DSCAM: variants seen among roughly 807,000 people sequenced by gnomAD.
DSCAM encodes the protein cell adhesion molecule DSCAM.
DSCAM carries 47 observed loss-of-function variants against 217.7 expected under a neutral mutation model. The ratio of observed to expected loss-of-function variants is 0.22; its 90% CI spans 0.17 to 0.28. DSCAM has a LOEUF of 0.28. Among genes scored for constraint, DSCAM ranks in the 10% least tolerant of loss-of-function variants. The pLI is 1.00. For synonymous variants in DSCAM, 1,056 were observed against 1,015.3 expected (o/e 1.04, Z -0.76); for missense variants, 2,080 against 2,618.3 (o/e 0.79, Z 4.49).
chr21:40,725,577 G>A (rs1284625149), intron 1 of DSCAM, among the ~76,000 whole-genome samples: 1 of 152,188 alleles, frequency 6.6e-6, no homozygotes, highest in African/African-American at 2.4e-5. Context: ...GCAGCAAAGG[G>A]GGCATTGTCA....
chr21:40,068,428 CCT>C (rs921434145), intron 27 of DSCAM, among the ~76,000 whole-genome samples: 1 of 151,974 alleles, frequency 6.6e-6, no homozygotes, highest in African/African-American at 2.4e-5. Flanking sequence ...TGTATATGTG[CCT>C]CTCTCTGTAT....
At chr21:40,446,206 C>T (rs1272992891) in intron 3 of DSCAM, among the ~76,000 whole-genome samples, 1 of 152,018 alleles carries the variant, frequency 6.6e-6, no homozygotes, top group African/African-American at 2.4e-5. Context: ...GGTCTAATAC[C>T]ACTGTTTACA....
At chr21:40,568,510 C>T (rs868607516) in intron 3 of DSCAM, among the ~76,000 whole-genome samples, 4 of 151,934 alleles carry the variant, frequency 2.6e-5, no homozygotes, top group Non-Finnish European at 5.9e-5. Context: ...CAAGGAGATG[C>T]TTAAGGTATT....
intron 3 of DSCAM, among the ~76,000 whole-genome samples, chr21:40,544,913 T>C (rs2076569327): frequency 6.8e-6 from 1 of 146,696 alleles, no homozygotes; most frequent in Non-Finnish European, 1.5e-5. Flanking sequence ...AATTAAAAGT[T>C]TCCAAAAAAA....
chr21:40,756,814 TA>T (rs2091280531), intron 1 of DSCAM, among the ~76,000 whole-genome samples: 1 of 152,184 alleles, frequency 6.6e-6, no homozygotes, highest in Non-Finnish European at 1.5e-5. Flanking sequence ...TCTTGTTTTA[TA>T]AATGAGGAAG....
intron 3 of DSCAM, among the ~76,000 whole-genome samples, chr21:40,612,654 A>C (rs1451964463): frequency 6.6e-6 from 1 of 152,194 alleles, no homozygotes; most frequent in African/African-American, 2.4e-5. Flanking sequence ...TTTTAAGGGG[A>C]TGTTTGTTAT....
intron 3 of DSCAM, among the ~76,000 whole-genome samples, chr21:40,645,704 C>T (rs2089938180): frequency 6.6e-6 from 1 of 152,092 alleles, no homozygotes; most frequent in Non-Finnish European, 1.5e-5. Context: ...TCACAAAACA[C>T]TGTGATGTGT....
At chr21:40,518,918 C>G (rs76346002) in intron 3 of DSCAM, among the ~76,000 whole-genome samples, 1 of 151,896 alleles carries the variant, frequency 6.6e-6, no homozygotes, top group South Asian at 2.1e-4. Flanking sequence ...ACTGTGTAGC[C>G]TATTGCTCCT....
At chr21:40,362,356 T>C (rs1369680798) in intron 4 of DSCAM, among the ~76,000 whole-genome samples, 1 of 152,188 alleles carries the variant, frequency 6.6e-6, no homozygotes. Flanking sequence ...ATTTAACTTG[T>C]TCCGTTATTG....
chr21:40,252,937 G>A (rs4816675), intron 11 of DSCAM, among the ~76,000 whole-genome samples: 5,276 of 152,220 alleles, frequency 0.035, 309 homozygotes, highest in East Asian at 0.22. Flanking sequence ...CCAAGTAAGG[G>A]GCGGGGGGCT....
chr21:40,386,358 G>T (rs1043811241), intron 3 of DSCAM, among the ~76,000 whole-genome samples: 18 of 152,244 alleles, frequency 1.2e-4, no homozygotes, highest in African/African-American at 4.3e-4. Flanking sequence ...GGCAGTTGAA[G>T]AACCTACAAG....
intron 1 of DSCAM, among the ~76,000 whole-genome samples, chr21:40,763,589 A>T (rs1419886920): frequency 6.6e-6 from 1 of 152,228 alleles, no homozygotes. Context: ...AACTAGAGAA[A>T]ACTACTTTAA....
At chr21:40,600,070 T>C (rs1601778125) in intron 3 of DSCAM, among the ~76,000 whole-genome samples, 2 of 152,160 alleles carry the variant, frequency 1.3e-5, no homozygotes, top group South Asian at 2.1e-4. Context: ...TTTCAAATAA[T>C]TGAAAAGGAG....
intron 3 of DSCAM, among the ~76,000 whole-genome samples, chr21:40,372,235 T>G (rs1303379483): frequency 1.3e-5 from 2 of 152,216 alleles, no homozygotes; most frequent in Non-Finnish European, 2.9e-5. Flanking sequence ...GGTTTCCATG[T>G]CATATGGATT....
intron 3 of DSCAM, among the ~76,000 whole-genome samples, chr21:40,401,267 A>G (rs1166744333): frequency 6.6e-6 from 1 of 152,230 alleles, no homozygotes; most frequent in African/African-American, 2.4e-5. Context: ...TCCTCAAAAT[A>G]ACCACACTTT....
At chr21:40,430,637 T>C (rs2075521938) in intron 3 of DSCAM, among the ~76,000 whole-genome samples, 2 of 152,194 alleles carry the variant, frequency 1.3e-5, no homozygotes, top group Non-Finnish European at 2.9e-5. Flanking sequence ...TACACACATA[T>C]CTATCCTATT....
chr21:40,278,333 A>G (rs1351072028), intron 10 of DSCAM, among the ~76,000 whole-genome samples: 3 of 152,210 alleles, frequency 2.0e-5, no homozygotes, highest in African/African-American at 7.2e-5. Context: ...TAAATATTTT[A>G]AATTTAGCAG....
intron 6 of DSCAM, among the ~76,000 whole-genome samples, chr21:40,347,227 G>A (rs1569076706): frequency 1.3e-5 from 2 of 151,248 alleles, no homozygotes; most frequent in South Asian, 4.2e-4. Flanking sequence ...GAACCCGGGA[G>A]GCAGAGGTTG....
chr21:40,371,612 C>T (rs1450235484), intron 3 of DSCAM, among the ~76,000 whole-genome samples: 1 of 152,182 alleles, frequency 6.6e-6, no homozygotes, highest in East Asian at 1.9e-4. Flanking sequence ...AGAGAGGGCT[C>T]TATTCTCTAG....
Sources: allele counts gnomAD v4.1 joint callset (sites outside exome capture counted in the v4.1 genomes callset), GRCh38; gene constraint gnomAD v4.1.1; transcripts MANE v1.5; gene names NCBI Gene and HGNC (gene_info 2026-07-23, HGNC 2026-07-21).